GAN: variants seen among roughly 807,000 people sequenced by gnomAD.
GAN encodes epididymis secretory sperm binding protein.
Under a neutral mutation model 71.3 loss-of-function variants are expected in GAN, and 48 were observed. The observed-to-expected ratio is 0.67, with a 90% CI of 0.53 to 0.86. The LOEUF (loss-of-function observed/expected upper bound fraction) is 0.86. Ranked by LOEUF, GAN falls within the 40% of genes least tolerant of loss-of-function variation. GAN has a pLI of 0.00. For synonymous variants in GAN, 386 were observed against 276.8 expected, an observed-to-expected ratio of 1.39 and a Z score of -3.92; for missense variants, 928 against 770.1, an observed-to-expected ratio of 1.21 and a Z score of -2.43.
At chr16:81,353,189 G>C (rs371383671) in intron 2 of GAN, among the ~76,000 whole-genome samples, 4,598 of 150,320 alleles carry the variant, frequency 0.031, 124 homozygotes, top group African/African-American at 0.072. Flanking sequence ...TACTCGGGAG[G>C]CTGAGGCAGG....
rs1567496246 is a variant in GAN at position 81,365,045 on chromosome 16, G to A, written c.1308G>A (p.Glu436=). The A allele has an allele frequency of 1.2e-6, 2 of 1,613,700 alleles. No individual in the cohort carries two copies. The highest frequency in any genetic ancestry group is 1.7e-6 in the Non-Finnish European group (2 of 1,179,630). The stretch of plus-strand genomic sequence containing the variant: ...GAGGCTCCTACGGAAAGCTTTTTGA[G>A]TCTGTAGAGTGTTATGATCCCAGGA... ...MGGGSYGKLF[E]SVECYDPRTQ... is the part of the protein sequence containing the mutation. Residue 436 remains glutamate (E), a synonymous_variant, in exon 8 of 11, where the codon GAG becomes GAA. Coordinates refer to ENST00000648994, the MANE Select transcript of GAN (RefSeq NM_022041.4).
intron 1 of GAN, among the ~76,000 whole-genome samples, chr16:81,343,420 C>T (rs1013171109): frequency 4.6e-5 from 7 of 152,182 alleles, no homozygotes; most frequent in African/African-American, 7.2e-5. Flanking sequence ...TTATCCACCA[C>T]GATCAAGTTG....
intron 1 of GAN, among the ~76,000 whole-genome samples, chr16:81,327,939 T>G (rs12920172): frequency 0.58 from 88,319 of 152,078 alleles, 27,861 homozygotes; most frequent in Middle Eastern, 0.76. Context: ...ACGAATGCCT[T>G]CCTTTTATGT....
At chr16:81,343,812 G>T (rs1910026469) in intron 1 of GAN, among the ~76,000 whole-genome samples, 1 of 152,156 alleles carries the variant, frequency 6.6e-6, no homozygotes, top group South Asian at 2.1e-4. Context: ...GAAATAGGAA[G>T]AAAGGAAGTC....
At chr16:81,336,179 G>A (rs1284875878) in intron 1 of GAN, among the ~76,000 whole-genome samples, 1 of 152,190 alleles carries the variant, frequency 6.6e-6, no homozygotes, top group Non-Finnish European at 1.5e-5. Context: ...TAGGCCCCTG[G>A]CACCCAGTCC....
chr16:81,347,501 A>G (rs1276402150), intron 1 of GAN, among the ~76,000 whole-genome samples: 1 of 152,270 alleles, frequency 6.6e-6, no homozygotes, highest in African/African-American at 2.4e-5. Flanking sequence ...TCTTGTTAGT[A>G]TCCAGAATCT....
intron 7 of GAN, among the ~76,000 whole-genome samples, chr16:81,364,216 C>T (rs1174205897): frequency 6.6e-6 from 1 of 152,106 alleles, no homozygotes; most frequent in South Asian, 2.1e-4. Context: ...GGTGCAGCAG[C>T]CACATCTTCC....
intron 5 of GAN, among the ~76,000 whole-genome samples, chr16:81,359,705 C>G (rs371474242): frequency 2.0e-5 from 3 of 152,058 alleles, no homozygotes; most frequent in Admixed American, 2.0e-4. Flanking sequence ...TTCCAAGACC[C>G]CCGAGTGGTT....
chr16:81,365,048 T>C lies in GAN; in HGVS notation c.1311T>C (p.Ser437=). ...GCTCCTACGGAAAGCTTTTTGAGTC[T>C]GTAGAGTGTTATGATCCCAGGACCC... ...GGGSYGKLFE[S]VECYDPRTQQ... Residue 437 remains serine, a synonymous_variant, in exon 8 of 11, where the codon TCT becomes TCC. Coordinates refer to ENST00000648994, the MANE Select transcript of GAN (RefSeq NM_022041.4). 1.2e-6 allele frequency: 2 copies of C among 1,613,676 alleles called. No individual in the cohort carries two copies. The highest frequency in any genetic ancestry group is 1.7e-6 in the Non-Finnish European group (2 of 1,179,594).
intron 1 of GAN, among the ~76,000 whole-genome samples, chr16:81,342,440 C>G (rs942949379): frequency 6.6e-6 from 1 of 152,188 alleles, no homozygotes; most frequent in East Asian, 1.9e-4. Context: ...TGTCTCAGAC[C>G]ACAGTGCAAT....
chr16:81,337,351 G>A (rs181359080), intron 1 of GAN, among the ~76,000 whole-genome samples: 280 of 152,270 alleles, frequency 1.8e-3, no homozygotes, highest in Middle Eastern at 0.01. Flanking sequence ...TCTCGACTTC[G>A]TGAACATTAC....
chr16:81,319,655 A>G (rs73585633), intron 1 of GAN, among the ~76,000 whole-genome samples: 1,756 of 152,224 alleles, frequency 0.012, 41 homozygotes, highest in African/African-American at 0.039. Flanking sequence ...AAAGATTCCT[A>G]AGATTTTTAG....
At chr16:81,338,409 T>C (rs900863426) in intron 1 of GAN, among the ~76,000 whole-genome samples, 2 of 152,210 alleles carry the variant, frequency 1.3e-5, no homozygotes, top group Non-Finnish European at 2.9e-5. Context: ...TGATCAGTTA[T>C]TAACCCTTTA....
chr16:81,333,995 T>G (rs1400495906), intron 1 of GAN, among the ~76,000 whole-genome samples: 1 of 152,276 alleles, frequency 6.6e-6, no homozygotes, highest in Non-Finnish European at 1.5e-5. Flanking sequence ...CCGTTTCATT[T>G]GTAATTCACA....
chr16:81,376,463 ATATGTGTG>A (rs1433082275), intron 9 of GAN, among the ~76,000 whole-genome samples: 24 of 90,122 alleles, frequency 2.7e-4, no homozygotes, highest in African/African-American at 7.1e-4. Context: ...TTATACATAC[ATATGTGTG>A]TGTGTGTGTG....
At chr16:81,359,176 C>A (rs997978024) in intron 5 of GAN, among the ~76,000 whole-genome samples, 1 of 148,332 alleles carries the variant, frequency 6.7e-6, no homozygotes, top group African/African-American at 2.5e-5. Flanking sequence ...CCTGTTGCAT[C>A]TTCTCAGAAT....
In GAN at chr16:81,386,280, A is replaced by C. The variant is rs1409023553; in HGVS notation, c.*8684A>C. 1 of 152,204 alleles carries C rather than the reference A, an allele frequency of 6.6e-6. No homozygotes were observed. Among genetic ancestry groups the C allele is most frequent in the Non-Finnish European group, 1.5e-5 (1 of 68,038 alleles). The allele number at this position is 152,204 out of a possible 1,614,324, so 9.4% of individuals were successfully genotyped here. On this transcript the variant is annotated 3_prime_UTR_variant, in exon 11 of 11. Coordinates refer to ENST00000648994, the MANE Select transcript of GAN (RefSeq NM_022041.4). ...TTTTCATTGAAATAGCAAAGGTAGTAATCTGTATTGGTCAAAGAAACGAGA... is the reference window on the plus strand; with the variant it reads ...TTTTCATTGAAATAGCAAAGGTAGTCATCTGTATTGGTCAAAGAAACGAGA...
intron 1 of GAN, among the ~76,000 whole-genome samples, chr16:81,344,120 A>G (rs959347343): frequency 3.9e-5 from 6 of 152,232 alleles, no homozygotes; most frequent in Admixed American, 1.3e-4. Context: ...AGAGGACACA[A>G]ACAATGGAAA....
intron 2 of GAN, 87 bp downstream of exon 2, chr16:81,351,784 A>G: frequency 1.3e-6 from 1 of 773,980 alleles, no homozygotes; most frequent in Admixed American, 1.7e-5. Context: ...TATATGACAA[A>G]GTAGCACTGT....
Sources: gnomAD v4.1 joint callset for allele counts (sites outside exome capture counted in the v4.1 genomes callset) on GRCh38, gnomAD v4.1.1 for gene constraint, MANE v1.5 for transcripts, NCBI Gene and HGNC (gene_info 2026-07-23, HGNC 2026-07-21) for gene names.